Variants in OBI1 observed in about 807,000 individuals in gnomAD.
OBI1 encodes ring finger protein 219.
Under a neutral mutation model 62.4 loss-of-function variants are expected in OBI1, and 59 were observed. The observed-to-expected ratio is 0.95, with a 90% confidence interval of 0.77 to 1.17. OBI1 has a LOEUF of 1.17. Among genes scored for constraint, OBI1 ranks in the 50% most tolerant of loss-of-function variants. OBI1 has a pLI of 0.00. For synonymous variants in OBI1, 302 were observed against 292.8 expected, an observed-to-expected ratio of 1.03 and a Z score of -0.32; for missense variants, 875 against 830.9, an observed-to-expected ratio of 1.05 and a Z score of -0.65.
chr13:78,649,807 T>C (rs1227854123), intron 1 of OBI1, among the ~76,000 whole-genome samples: 1 of 151,686 alleles, frequency 6.6e-6, no homozygotes, highest in East Asian at 1.9e-4. Context: ...GAAGGGAAAA[T>C]AGGGGGTGTG....
chr13:78,620,646 C>A (rs1593785577), intron 5 of OBI1: 1 of 456,558 alleles, frequency 2.2e-6, no homozygotes, highest in Non-Finnish European at 4.4e-6. Context: ...TTCCCCTTGT[C>A]CAAATAGCTC....
At chr13:78,644,272 C>T (rs1354402169) in intron 2 of OBI1, among the ~76,000 whole-genome samples, 5 of 152,202 alleles carry the variant, frequency 3.3e-5, no homozygotes, top group Non-Finnish European at 7.3e-5. Context: ...CACCCTTCTT[C>T]TTAGTCCTAG....
intron 1 of OBI1, among the ~76,000 whole-genome samples, chr13:78,658,641 C>A (rs1304465634): frequency 6.6e-6 from 1 of 152,210 alleles, no homozygotes. Flanking sequence ...GACTAAGAAG[C>A]CCGAGGTGAG....
rs768376864 is a variant in OBI1 at position 78,616,528 on chromosome 13, G to A, written c.1233C>T (p.Val411=). The A allele has an allele frequency of 1.1e-5, 17 of 1,613,876 alleles. No homozygotes were observed. The highest frequency in any genetic ancestry group is 1.4e-5 in the Non-Finnish European group (16 of 1,180,026). Residue 411 remains valine, a synonymous_variant, in exon 6 of 6, where the codon GTC becomes GTT. Coordinates refer to ENST00000282003, the MANE Select transcript of OBI1 (RefSeq NM_024546.4). ...AGTGCTTTTTGGAACCTCCTGCTTG[G>A]ACCACAGAGCTCTCTCTATTTTCTG... ...STPENRESSV[V]QAGGSKKHSN...
chr13:78,620,110 G>A (rs1450523904), intron 5 of OBI1, among the ~76,000 whole-genome samples: 2 of 152,096 alleles, frequency 1.3e-5, no homozygotes, highest in Non-Finnish European at 2.9e-5. Flanking sequence ...GCAAATAGAT[G>A]AGACTTTTGA....
Position 78,615,991 on chromosome 13 carries a change from G to C in OBI1, c.1770C>G (p.Asn590Lys). The C allele has an allele frequency of 6.2e-7, 1 of 1,614,070 alleles. No homozygotes were observed. Among genetic ancestry groups the C allele is most frequent in the Non-Finnish European group, 8.5e-7 (1 of 1,180,018 alleles). ...CATTAGTTAGAGAACCTTTGGAAAG[G>C]TTTAGCTCAGTTTTTTCTTCCAACT... ...PDKLEEKTELNLSKGSLTNDQ... is the reference protein window; with the variant it reads ...PDKLEEKTELKLSKGSLTNDQ... Residue 590 changes from asparagine (N) to lysine (K), a missense_variant, in exon 6 of 6, where the codon AAC becomes AAG. Coordinates refer to ENST00000282003, the MANE Select transcript of OBI1 (RefSeq NM_024546.4).
chr13:78,641,744 T>A (rs1876221922), intron 3 of OBI1, among the ~76,000 whole-genome samples: 1 of 151,942 alleles, frequency 6.6e-6, no homozygotes, highest in African/African-American at 2.4e-5. Flanking sequence ...GAGGTCAGAC[T>A]GGCTTTCACA....
At chr13:78,653,080 A>G (rs942083731) in intron 1 of OBI1, among the ~76,000 whole-genome samples, 1 of 152,210 alleles carries the variant, frequency 6.6e-6, no homozygotes, top group Non-Finnish European at 1.5e-5. Context: ...AAGCAAGTAT[A>G]CTTGGGCAGA....
chr13:78,656,350 G>A (rs543836419), intron 1 of OBI1, among the ~76,000 whole-genome samples: 68 of 136,840 alleles, frequency 5.0e-4, no homozygotes, highest in Non-Finnish European at 8.3e-4. Context: ...TTGGGAGGCC[G>A]AGGCGGGCAG....
chr13:78,615,861 G>C lies in OBI1; in HGVS notation c.1900C>G (p.Pro634Ala). The C allele has an allele frequency of 6.2e-7, 1 of 1,614,116 alleles. No homozygotes were observed. Among genetic ancestry groups the C allele is most frequent in the Non-Finnish European group, 8.5e-7 (1 of 1,179,996 alleles). The change falls in exon 6 of 6, where the codon CCA becomes GCA. Residue 634 changes from proline to alanine, a missense_variant. Physicochemically the swap from Pro to Ala is conservative, Grantham distance 27 (BLOSUM62 -1). Transcript: ENST00000282003. ...GGGGGTTTGATTTCATTAGTTACTG[G>C]ACAAGAACTGGAATGGAGTGAAAAA... ...EDFSLHSSSC[P>A]VTNEIKPPSC...
At position 78,616,118 on chromosome 13, in the gene OBI1, G is replaced by T. The variant is rs998265436; in HGVS notation, c.1643C>A (p.Ser548Ter). The T allele has an allele frequency of 2.5e-6, 4 of 1,614,006 alleles. No homozygotes were observed. Among genetic ancestry groups the T allele is most frequent in the Non-Finnish European group, 3.4e-6 (4 of 1,180,024 alleles). ...ATTACAAGGGCTCTTGCTGTTGTCT[G>T]ACTCTGACATCATTGAATCCAACTC... ...ISELDSMMSE[S>*]DNSKSPCNNG... Residue 548 changes from serine to a stop codon, truncating the protein, a stop_gained, in exon 6 of 6, where the codon TCA becomes TAA. Transcript: ENST00000282003. LOFTEE classifies it high-confidence loss of function.
At chr13:78,653,401 A>G (rs933420839) in intron 1 of OBI1, among the ~76,000 whole-genome samples, 1 of 152,202 alleles carries the variant, frequency 6.6e-6, no homozygotes, top group African/African-American at 2.4e-5. Flanking sequence ...GGTATAGTCA[A>G]AGGAATCTTA....
intron 4 of OBI1, among the ~76,000 whole-genome samples, chr13:78,637,233 G>A (rs1434455112): frequency 6.6e-6 from 1 of 152,086 alleles, no homozygotes; most frequent in Non-Finnish European, 1.5e-5. Flanking sequence ...ATTATGTTGA[G>A]TATGTTATTA....
chr13:78,628,935 TA>T (rs1475852309), intron 5 of OBI1, among the ~76,000 whole-genome samples: 1 of 151,840 alleles, frequency 6.6e-6, no homozygotes, highest in African/African-American at 2.4e-5. Context: ...TTTTGTTTTA[TA>T]ATCTCTGACA....
At chr13:78,622,022 A>C (rs926530093) in intron 5 of OBI1, among the ~76,000 whole-genome samples, 4 of 152,260 alleles carry the variant, frequency 2.6e-5, no homozygotes, top group Non-Finnish European at 4.4e-5. Context: ...TGTACTACAT[A>C]AATATCAATG....
rs758178807 is a variant in OBI1, at chr13:78,616,359, C to T, written c.1402G>A (p.Asp468Asn). ...TGGGCATAGCTTGTGGAACAACAGT[C>T]CCAAAATCCTGTCTTTGGGGAAGAA... ...CFSSPKTGFW[D>N]CCSTSYAQNL... The change falls in exon 6 of 6, where the codon GAC (aspartate) becomes AAC (asparagine). Residue 468 changes from aspartate to asparagine, a missense_variant. Coordinates refer to ENST00000282003, the MANE Select transcript of OBI1 (RefSeq NM_024546.4). 1 of 1,613,898 alleles carries T rather than the reference C, an allele frequency of 6.2e-7. No individual in the cohort carries two copies. The highest frequency in any genetic ancestry group is 8.5e-7 in the Non-Finnish European group (1 of 1,179,786).
At chr13:78,647,033 G>A (rs577637480) in intron 1 of OBI1, among the ~76,000 whole-genome samples, 1 of 152,354 alleles carries the variant, frequency 6.6e-6, no homozygotes, top group South Asian at 2.1e-4. Context: ...CAGGCAGTAT[G>A]CTTGATAAAA....
At chr13:78,628,694 C>T (rs1242562362) in intron 5 of OBI1, among the ~76,000 whole-genome samples, 1 of 152,082 alleles carries the variant, frequency 6.6e-6, no homozygotes, top group Non-Finnish European at 1.5e-5. Flanking sequence ...TTTATATGTA[C>T]TTTATTAAAA....
At chr13:78,633,780 C>T (rs1301120639) in intron 5 of OBI1, among the ~76,000 whole-genome samples, 1 of 152,146 alleles carries the variant, frequency 6.6e-6, no homozygotes, top group Non-Finnish European at 1.5e-5. Context: ...ATAAAAACTA[C>T]TCCATGGCCG....
Sources: gnomAD v4.1 joint callset for allele counts (sites outside exome capture counted in the v4.1 genomes callset) on GRCh38, gnomAD v4.1.1 for gene constraint, MANE v1.5 for transcripts, NCBI Gene and HGNC (gene_info 2026-07-23, HGNC 2026-07-21) for gene names.